Variants in USP24 observed in about 807,000 individuals in gnomAD.
USP24 encodes the protein ubiquitin carboxyl-terminal hydrolase 24.
Under a neutral mutation model 361.6 loss-of-function variants are expected in USP24, and 97 were observed. The observed-to-expected ratio is 0.27, with a 90% CI of 0.23 to 0.32. The LOEUF (loss-of-function observed/expected upper bound fraction) is 0.32, where lower values mean the gene tolerates loss of function less well. Among genes scored for constraint, USP24 ranks in the 10% least tolerant of loss-of-function variants. USP24 has a pLI of 1.00. For synonymous variants in USP24, 1,098 were observed against 1,124.6 expected, an observed-to-expected ratio of 0.98 and a Z score of 0.47; for missense variants, 2,353 against 3,165.6, an observed-to-expected ratio of 0.74 and a Z score of 6.16.
intron 36 of USP24, among the ~76,000 whole-genome samples, chr1:55,123,062 C>A (rs1175772923): frequency 1.3e-5 from 2 of 152,122 alleles, no homozygotes; most frequent in Non-Finnish European, 2.9e-5. Flanking sequence ...CCAAAGCCAA[C>A]AATAAAGATG....
chr1:55,150,954 T>C (rs1647177383), intron 16 of USP24, among the ~76,000 whole-genome samples: 2 of 152,196 alleles, frequency 1.3e-5, no homozygotes, highest in Admixed American at 1.3e-4. Context: ...GGTCAGTTGG[T>C]TTAGCCTGCA....
At chr1:55,160,896 T>G (rs2100763715) in intron 8 of USP24, among the ~76,000 whole-genome samples, 1 of 152,290 alleles carries the variant, frequency 6.6e-6, no homozygotes, top group South Asian at 2.1e-4. Context: ...CTTTGCCTCT[T>G]TATGTCTTAG....
At chr1:55,112,679 T>C (rs531267307) in intron 38 of USP24, among the ~76,000 whole-genome samples, 1 of 152,286 alleles carries the variant, frequency 6.6e-6, no homozygotes, top group Admixed American at 6.5e-5. Flanking sequence ...GTGTTTTACT[T>C]CCAATTATGT....
chr1:55,192,305 T>G (rs999639839), intron 1 of USP24, among the ~76,000 whole-genome samples: 1 of 152,202 alleles, frequency 6.6e-6, no homozygotes, highest in Non-Finnish European at 1.5e-5. Flanking sequence ...AGTTTAGAGA[T>G]AAGCTCCTGT....
intron 12 of USP24, among the ~76,000 whole-genome samples, 167 bp downstream of exon 12, chr1:55,156,781 T>C: frequency 6.6e-6 from 1 of 152,188 alleles, no homozygotes; most frequent in South Asian, 2.1e-4. Flanking sequence ...TGAGTGGATT[T>C]ACACATACAA....
intron 54 of USP24, among the ~76,000 whole-genome samples, 162 bp downstream of exon 54, chr1:55,091,861 T>C (rs1209602832): frequency 6.6e-6 from 1 of 152,202 alleles, no homozygotes; most frequent in Non-Finnish European, 1.5e-5. Context: ...TGAGCTATTC[T>C]TTCCATTAGG....
Position 55,138,753 on chromosome 1 carries a change from C to A in USP24, c.2818-35G>T, listed in dbSNP as rs747682265. 2.0e-5 allele frequency: 30 copies of A among 1,481,196 alleles called. No individual in the cohort carries two copies. The East Asian group carries it at 6.6e-4, about 33-fold the overall frequency. The allele number at this position is 1,481,196 out of a possible 1,614,324, so 91.8% of individuals were successfully genotyped here. ...CGAATAAGTCAAGTCAGATGGACAG[C>A]ACCACTGATAAACACATCAAAAATA... On this transcript the variant is annotated intron_variant, in intron 25 of 67. Transcript: ENST00000294383.
At chr1:55,121,827 C>T (rs549673923) in intron 36 of USP24, among the ~76,000 whole-genome samples, 1 of 152,316 alleles carries the variant, frequency 6.6e-6, no homozygotes, top group South Asian at 2.1e-4. Flanking sequence ...AATAAACTTA[C>T]AAATGATAAC....
At position 55,132,710 on chromosome 1, in the gene USP24, A is replaced by C; in HGVS notation, c.3382-10T>G. The C allele has an allele frequency of 1.2e-6, 2 of 1,608,940 alleles. No individual in the cohort carries two copies. The highest frequency in any genetic ancestry group is 1.7e-6 in the Non-Finnish European group (2 of 1,177,210). ...CAGACAGCAATGTTTTCTAAGTTTAAGAGAATGAGAAAGACATAAACTACT... is the reference window on the plus strand; with the variant it reads ...CAGACAGCAATGTTTTCTAAGTTTACGAGAATGAGAAAGACATAAACTACT... On this transcript the variant is annotated splice_polypyrimidine_tract_variant and intron_variant, in intron 30 of 67. Coordinates refer to ENST00000294383, the MANE Select transcript of USP24 (RefSeq NM_015306.3).
intron 65 of USP24, 150 bp from the exon 66 acceptor site, chr1:55,072,553 T>C: frequency 1.3e-6 from 1 of 765,440 alleles, no homozygotes; most frequent in Non-Finnish European, 2.1e-6. Context: ...ATTCAAGACC[T>C]CAGTCAAGTA....
In USP24 at chr1:55,176,414, T is replaced by G; in HGVS notation, c.520A>C (p.Arg174=). The G allele has an allele frequency of 6.4e-7, 1 of 1,572,406 alleles. No homozygotes were observed. The highest frequency in any genetic ancestry group is 8.6e-7 in the Non-Finnish European group (1 of 1,156,984). The part of the protein sequence containing the change: ...GLSESDENCR[R]FMDRCMPEAF... ...TCAGGCATACACCTGTCCATAAACC[T>G]TCTACAATTCTCATCAGACTCGGAA... Residue 174 remains arginine, a synonymous_variant, in exon 3 of 68, where the codon AGG becomes CGG. Transcript: ENST00000294383.
At chr1:55,135,782 AC>A (rs971864353) in intron 28 of USP24, among the ~76,000 whole-genome samples, 4 of 152,102 alleles carry the variant, frequency 2.6e-5, no homozygotes, top group Non-Finnish European at 4.4e-5. Flanking sequence ...GGGAAAAAAA[AC>A]CCTATATGTC....
chr1:55,119,207 T>C (rs1279412296), intron 38 of USP24, among the ~76,000 whole-genome samples: 2 of 152,264 alleles, frequency 1.3e-5, no homozygotes, highest in Non-Finnish European at 2.9e-5. Context: ...AAATATGGTT[T>C]ATACATACAA....
In USP24 at chr1:55,103,921, A is replaced by G. The variant is rs1238838199; in HGVS notation, c.4980T>C (p.Leu1660=). Reference sequence around the variant, plus strand: ...CAGGGTCAGGCTGGTGATGCATAGAAAGCAGTTCTTTTATAATAATTTGAA... The same window carrying G: ...CAGGGTCAGGCTGGTGATGCATAGAGAGCAGTTCTTTTATAATAATTTGAA... ...SNLQIIIKEL[L]SMHHQPDPAL... Residue 1660 remains leucine (L), a synonymous_variant, in exon 42 of 68, where the codon CTT becomes CTC. Coordinates refer to ENST00000294383, the MANE Select transcript of USP24 (RefSeq NM_015306.3). 5.0e-6 allele frequency: 8 copies of G among 1,612,974 alleles called. No individual in the cohort carries two copies. In the South Asian group the frequency reaches 8.8e-5, roughly 18 times the overall value.
At chr1:55,079,393 A>T in intron 60 of USP24, 145 bp downstream of exon 60, 1 of 1,178,712 alleles carries the variant, frequency 8.5e-7, no homozygotes, top group African/African-American at 1.6e-5. Flanking sequence ...TCTTCCACTA[A>T]TTATTTCTTT....
chr1:55,212,901 C>T (rs918353491), intron 1 of USP24, among the ~76,000 whole-genome samples: 8 of 152,186 alleles, frequency 5.3e-5, no homozygotes, highest in African/African-American at 1.9e-4. Flanking sequence ...AACCAAACTC[C>T]TTAGCCTGCC....
intron 32 of USP24, 42 bp from the exon 33 acceptor site, chr1:55,125,800 ATTT>A: frequency 2.7e-6 from 4 of 1,465,274 alleles, no homozygotes; most frequent in Non-Finnish European, 3.7e-6. Flanking sequence ...AAAGACTTCT[ATTT>A]TTTTTCATTT....
rs765434947 is a variant in USP24, at chr1:55,081,291, A to G, written c.7078+31T>C. 4 of 1,596,514 alleles carry G rather than the reference A, an allele frequency of 2.5e-6. No individual in the cohort carries two copies. The South Asian group carries it at 4.4e-5, about 18-fold the overall frequency. On this transcript the variant is annotated intron_variant, in intron 59 of 67. Transcript: ENST00000294383. ...ACTCTCCAAGCTAGACAAATTCAGT[A>G]TCTCTTCATTCTAAGATATGTTAAG... is the stretch of plus-strand genomic sequence containing the variant.
intron 22 of USP24, 45 bp from the exon 23 acceptor site, chr1:55,142,840 T>G (rs1257744289): frequency 1.4e-6 from 2 of 1,454,412 alleles, no homozygotes; most frequent in Non-Finnish European, 9.3e-7. Context: ...GACATTTAGT[T>G]GTAATCATTA....
Sources: allele counts gnomAD v4.1 joint callset (sites outside exome capture counted in the v4.1 genomes callset), GRCh38; gene constraint gnomAD v4.1.1; transcripts MANE v1.5; gene names NCBI Gene and HGNC (gene_info 2026-07-23, HGNC 2026-07-21).